ZDHHC13: variants seen among roughly 807,000 people sequenced by gnomAD.
The protein encoded by ZDHHC13 is palmitoyltransferase ZDHHC13.
In ZDHHC13, 85 loss-of-function variants were observed where a neutral mutation model predicts 86.0. The ratio of observed to expected loss-of-function variants is 0.99; its 90% CI spans 0.83 to 1.18. ZDHHC13 has a LOEUF of 1.18. ZDHHC13 is among the 50% of genes most tolerant of loss of function. The pLI is 0.00. For synonymous variants in ZDHHC13, 263 were observed against 246.4 expected (o/e 1.07, Z -0.63); for missense variants, 711 against 730.2 (o/e 0.97, Z 0.30).
chr11:19,173,387 C>T (rs902998158), intron 16 of ZDHHC13, among the ~76,000 whole-genome samples: 4 of 152,188 alleles, frequency 2.6e-5, no homozygotes, highest in Non-Finnish European at 4.4e-5. Flanking sequence ...GAAAGACCTT[C>T]GTCTTACGAT....
intron 1 of ZDHHC13, among the ~76,000 whole-genome samples, chr11:19,129,708 T>A (rs1295813962): frequency 3.9e-5 from 6 of 152,188 alleles, no homozygotes; most frequent in Admixed American, 3.3e-4. Flanking sequence ...TTAGGATTTT[T>A]GTATCTGTGT....
intron 1 of ZDHHC13, among the ~76,000 whole-genome samples, chr11:19,127,853 T>A (rs955185991): frequency 6.6e-6 from 1 of 152,286 alleles, no homozygotes; most frequent in Admixed American, 6.5e-5. Context: ...GTTATTGTAG[T>A]GCTATAGTAT....
intron 14 of ZDHHC13, chr11:19,166,998 G>A (rs1456710298): frequency 6.6e-6 from 1 of 152,288 alleles, no homozygotes; most frequent in Non-Finnish European, 1.5e-5. Flanking sequence ...TTCTGAGGTG[G>A]TTGACTAAGA....
At chr11:19,148,532 T>C (rs1172872503) in intron 4 of ZDHHC13, 1 of 152,232 alleles carries the variant, frequency 6.6e-6, no homozygotes, top group Non-Finnish European at 1.5e-5. Flanking sequence ...TTTTTGATTT[T>C]AAAATGACAG....
In ZDHHC13 at chr11:19,152,656, G is replaced by A. The variant is rs1275946171; in HGVS notation, c.845G>A (p.Arg282Lys). The A allele has an allele frequency of 1.9e-6, 3 of 1,613,266 alleles. No individual in the cohort carries two copies. The highest frequency in any genetic ancestry group is 2.5e-6 in the Non-Finnish European group (3 of 1,179,396). The change falls in exon 8 of 17, where the codon AGA becomes AAA. Residue 282 changes from arginine to lysine, a missense_variant. By Grantham distance (26) the Arg-to-Lys change is conservative. Transcript: ENST00000446113. ...AAAATGAGAGCCAACCAAAAGTTCA[G>A]ACTTTGGAGGTGGCTGCAGAAATGC... ...EAKMRANQKFRLWRWLQKCEL... is the reference protein window; with the variant it reads ...EAKMRANQKFKLWRWLQKCEL...
rs749001889 is a variant in ZDHHC13 at position 19,152,571 on chromosome 11, CT to C, written c.762del (p.Asp255IlefsTer15). ...DIQNVKGETP[L>X]DMALQNKNQL... Reference sequence around the variant, plus strand: ...ACTCTTTTTTAAGGGAGAAACACCTCTTGATATGGCTCTACAAAACAAAAAT... The same window carrying C: ...ACTCTTTTTTAAGGGAGAAACACCTCTGATATGGCTCTACAAAACAAAAAT... On this transcript the variant is annotated frameshift_variant, in exon 8 of 17. Coordinates refer to ENST00000446113, the MANE Select transcript of ZDHHC13 (RefSeq NM_019028.3). LOFTEE classifies it high-confidence loss of function. The C allele has an allele frequency of 1.2e-6, 2 of 1,610,992 alleles. No homozygotes were observed. The highest frequency in any genetic ancestry group is 3.4e-5 in the Admixed American group (2 of 59,570).
intron 11 of ZDHHC13, 21 bp from the exon 12 acceptor site, chr11:19,164,280 G>A (rs776808225): frequency 1.9e-6 from 3 of 1,611,850 alleles, no homozygotes; most frequent in African/African-American, 1.3e-5. Context: ...GTGGTAATAG[G>A]TCAAACTTCA....
At position 19,176,076 on chromosome 11, in the gene ZDHHC13, T is replaced by G; in HGVS notation, c.*116T>G. 1.6e-6 allele frequency: 2 copies of G among 1,226,380 alleles called. No homozygotes were observed. The highest frequency in any genetic ancestry group is 2.2e-6 in the Non-Finnish European group (2 of 927,954). 76.0% of individuals were successfully genotyped at this position (1,226,380 alleles called of 1,614,324 possible). A position where few individuals can be genotyped will look rare whatever the true frequency, so the allele number is the denominator to read the frequency against. On this transcript the variant is annotated 3_prime_UTR_variant, in exon 17 of 17. Transcript: ENST00000446113. Reference sequence around the variant, plus strand: ...CTAAGTCCAAAGGAAAACACGTGGTTTTTAAAGCCATTAGGTAAAAAAAGT... The same window carrying G: ...CTAAGTCCAAAGGAAAACACGTGGTGTTTAAAGCCATTAGGTAAAAAAAGT...
rs1849369711 is a variant in ZDHHC13 at position 19,143,141 on chromosome 11, T to A, written c.173+18T>A. On this transcript the variant is annotated intron_variant, in intron 2 of 16. Transcript: ENST00000446113. ...GCTACTCAGTAAGTCTTCCAAATGC[T>A]TTGGTTTATCCTTATGTTCTCTAGA... 2 of 1,607,168 alleles carry A rather than the reference T, an allele frequency of 1.2e-6. No individual in the cohort carries two copies. The highest frequency in any genetic ancestry group is 1.7e-6 in the Non-Finnish European group (2 of 1,176,620).
chr11:19,144,741 G>A (rs926379927), intron 2 of ZDHHC13, among the ~76,000 whole-genome samples: 50 of 152,172 alleles, frequency 3.3e-4, no homozygotes, highest in Non-Finnish European at 3.8e-4. Flanking sequence ...ATCCTTGCGG[G>A]CTTATTGGAA....
At chr11:19,159,797 A>G (rs1329932771) in intron 10 of ZDHHC13, among the ~76,000 whole-genome samples, 2 of 151,908 alleles carry the variant, frequency 1.3e-5, no homozygotes, top group African/African-American at 4.9e-5. Context: ...TGTCACCTAG[A>G]AATGGGGAGA....
intron 1 of ZDHHC13, among the ~76,000 whole-genome samples, chr11:19,139,760 G>A (rs760011212): frequency 4.4e-5 from 6 of 135,236 alleles, no homozygotes; most frequent in South Asian, 2.6e-4. Context: ...AAATAACGCC[G>A]CATATCTACA....
At chr11:19,145,929 T>C (rs1849452443) in intron 2 of ZDHHC13, among the ~76,000 whole-genome samples, 1 of 152,224 alleles carries the variant, frequency 6.6e-6, no homozygotes. Context: ...GAAGGCAATG[T>C]AAGTTTAAAG....
intron 1 of ZDHHC13, among the ~76,000 whole-genome samples, chr11:19,141,064 T>C (rs1480188377): frequency 1.3e-5 from 2 of 150,530 alleles, no homozygotes; most frequent in Admixed American, 6.6e-5. Context: ...TTTAAAGTAG[T>C]ATAATAATAA....
chr11:19,175,819 C>G lies in ZDHHC13; in HGVS notation c.1731-3C>G. On this transcript the variant is annotated splice_region_variant and splice_polypyrimidine_tract_variant and intron_variant, in intron 16 of 16. Coordinates refer to ENST00000446113, the MANE Select transcript of ZDHHC13 (RefSeq NM_019028.3). ...CATGTTCTCTTTTTTTTTTTCTTGG[C>G]AGTCTTGGATTCATGCAGAACCTGG... 1.9e-6 allele frequency: 3 copies of G among 1,597,976 alleles called. No homozygotes were observed. Among genetic ancestry groups the G allele is most frequent in the Non-Finnish European group, 2.6e-6 (3 of 1,175,434 alleles).
intron 2 of ZDHHC13, among the ~76,000 whole-genome samples, chr11:19,144,211 G>A (rs1269252439): frequency 6.6e-6 from 1 of 152,038 alleles, no homozygotes; most frequent in Non-Finnish European, 1.5e-5. Context: ...ATATTCTTAA[G>A]GTAAATATTT....
Position 19,146,316 on chromosome 11 carries a change from A to G in ZDHHC13, c.296+13A>G, listed in dbSNP as rs367926808. ...TGGATCTTGTAAAGTAAGATGGGAT[A>G]TGTGTGTTAATTGTGTATTTATAAT... On this transcript the variant is annotated intron_variant, in intron 3 of 16. Coordinates refer to ENST00000446113, the MANE Select transcript of ZDHHC13 (RefSeq NM_019028.3). 1.5e-4 allele frequency: 240 copies of G among 1,606,722 alleles called. No homozygotes were observed. Among genetic ancestry groups the G allele is most frequent in the Non-Finnish European group, 1.9e-4 (228 of 1,177,712 alleles).
intron 11 of ZDHHC13, among the ~76,000 whole-genome samples, chr11:19,163,662 T>A (rs1042547150): frequency 6.6e-6 from 1 of 152,156 alleles, no homozygotes; most frequent in Non-Finnish European, 1.5e-5. Context: ...CAGATGTGAT[T>A]CCTTTTAGGA....
At chr11:19,143,260 C>A in intron 2 of ZDHHC13, 137 bp downstream of exon 2, 1 of 905,772 alleles carries the variant, frequency 1.1e-6, no homozygotes. Context: ...GTATATTTGT[C>A]ATACCAACAC....
Sources: allele counts gnomAD v4.1 joint callset (sites outside exome capture counted in the v4.1 genomes callset), GRCh38; gene constraint gnomAD v4.1.1; transcripts MANE v1.5; gene names NCBI Gene and HGNC (gene_info 2026-07-23, HGNC 2026-07-21).